The following SH3RF3 variants were observed in gnomAD, a reference collection of about 807,000 sequenced individuals.
The protein encoded by SH3RF3 is E3 ubiquitin-protein ligase SH3RF3.
A neutral mutation model predicts 66.3 loss-of-function variants in SH3RF3; 29 were observed. The observed-to-expected ratio is 0.44, with a 90% CI of 0.33 to 0.60. SH3RF3 has a LOEUF of 0.60. SH3RF3 is among the 20% of genes least tolerant of loss of function. SH3RF3 has a pLI of 0.04. For missense variants in SH3RF3, 1,194 were observed against 1,190.9 expected (o/e 1.00, Z -0.04); for synonymous variants, 583 against 532.0 (o/e 1.10, Z -1.32).
chr2:109,416,661 G>A (rs1676731898), intron 4 of SH3RF3, among the ~76,000 whole-genome samples: 1 of 151,846 alleles, frequency 6.6e-6, no homozygotes, highest in Non-Finnish European at 1.5e-5. Flanking sequence ...GGGATTACAG[G>A]TGTGAGCCAC....
intron 1 of SH3RF3, among the ~76,000 whole-genome samples, chr2:109,275,182 A>G (rs1402218557): frequency 6.6e-6 from 1 of 152,192 alleles, no homozygotes; most frequent in Admixed American, 6.5e-5. Context: ...CACAATCATC[A>G]TGAAATGTGG....
chr2:109,248,309 T>C (rs1182851099), intron 1 of SH3RF3, among the ~76,000 whole-genome samples: 1 of 152,218 alleles, frequency 6.6e-6, no homozygotes, highest in African/African-American at 2.4e-5. Flanking sequence ...GTTTTAAAAA[T>C]CTTCCCCACC....
At chr2:109,309,397 A>G (rs2105422151) in intron 1 of SH3RF3, among the ~76,000 whole-genome samples, 1 of 144,712 alleles carries the variant, frequency 6.9e-6, no homozygotes, top group East Asian at 2.0e-4. Context: ...CTGCAAAATC[A>G]TGCCAAAATG....
In SH3RF3 at chr2:109,437,023, G is replaced by A. The variant is rs530586447; in HGVS notation, c.1705G>A (p.Ala569Thr). The A allele has an allele frequency of 6.2e-6, 10 of 1,613,838 alleles. No individual in the cohort carries two copies. In the African/African-American group the frequency reaches 6.7e-5, roughly 11 times the overall value. Residue 569 changes from alanine to threonine, a missense_variant, in exon 7 of 10, where the codon GCC becomes ACC. Ala to Thr is a moderately conservative substitution (Grantham distance 58). Transcript: ENST00000309415. The part of the protein sequence containing the change: ...LSSLATATRP[A>T]LPITTPQAHA... ...CAGCCTGGCCACTGCCACCAGGCCCGCCCTGCCCATCACCACTCCCCAGGC... is the reference window on the plus strand; with the variant it reads ...CAGCCTGGCCACTGCCACCAGGCCCACCCTGCCCATCACCACTCCCCAGGC...
At chr2:109,499,132 G>C (rs1428206993) in intron 9 of SH3RF3, among the ~76,000 whole-genome samples, 1 of 152,160 alleles carries the variant, frequency 6.6e-6, no homozygotes, top group African/African-American at 2.4e-5. Context: ...AGAGTGGGCA[G>C]CCGCCAGGAC....
At chr2:109,322,425 C>T (rs866730730) in intron 1 of SH3RF3, among the ~76,000 whole-genome samples, 5 of 152,110 alleles carry the variant, frequency 3.3e-5, no homozygotes, top group East Asian at 1.9e-4. Flanking sequence ...AACTAGGAGG[C>T]GGGTGAGTTG....
At chr2:109,280,229 G>A (rs1191382745) in intron 1 of SH3RF3, among the ~76,000 whole-genome samples, 1 of 152,216 alleles carries the variant, frequency 6.6e-6, no homozygotes. Context: ...ACACCTGGCT[G>A]TGGAGAAGCA....
chr2:109,270,911 A>G (rs1391504192), intron 1 of SH3RF3, among the ~76,000 whole-genome samples: 1 of 152,232 alleles, frequency 6.6e-6, no homozygotes, highest in Non-Finnish European at 1.5e-5. Context: ...ACACAGCATC[A>G]GGAGGGAGAC....
At chr2:109,320,616 C>T (rs1353575709) in intron 1 of SH3RF3, among the ~76,000 whole-genome samples, 1 of 152,202 alleles carries the variant, frequency 6.6e-6, no homozygotes, top group Non-Finnish European at 1.5e-5. Context: ...ACTAGGTCAC[C>T]AAAATCAGTG....
chr2:109,338,540 CA>C (rs1029324059), intron 1 of SH3RF3, among the ~76,000 whole-genome samples: 3 of 152,046 alleles, frequency 2.0e-5, no homozygotes, highest in Admixed American at 1.3e-4. Context: ...CCGGCACAGT[CA>C]AAAACCTGTG....
intron 1 of SH3RF3, among the ~76,000 whole-genome samples, chr2:109,261,827 A>G (rs913320489): frequency 8.6e-5 from 13 of 151,758 alleles, no homozygotes; most frequent in African/African-American, 2.9e-4. Context: ...CCACCCCTTC[A>G]CTTATAGTAG....
intron 1 of SH3RF3, among the ~76,000 whole-genome samples, chr2:109,290,360 T>C (rs1681135115): frequency 1.3e-5 from 2 of 152,232 alleles, no homozygotes; most frequent in Admixed American, 6.5e-5. Flanking sequence ...TAAGAGAAAT[T>C]AGTGTGATCA....
chr2:109,491,087 G>A, intron 9 of SH3RF3, 151 bp downstream of exon 9: 1 of 361,420 alleles, frequency 2.8e-6, no homozygotes, highest in Non-Finnish European at 3.9e-6. Context: ...TCCCGAGCTT[G>A]GGTGGTGAGT....
intron 1 of SH3RF3, among the ~76,000 whole-genome samples, chr2:109,270,656 C>T (rs912786027): frequency 4.6e-5 from 7 of 152,332 alleles, no homozygotes; most frequent in Admixed American, 3.3e-4. Context: ...AGAGGTATGA[C>T]ATAGGTGTCT....
At chr2:109,210,712 C>T (rs187157201) in intron 1 of SH3RF3, among the ~76,000 whole-genome samples, 79 of 152,224 alleles carry the variant, frequency 5.2e-4, no homozygotes, top group Non-Finnish European at 9.3e-4. Context: ...GTTTTCCTCC[C>T]GGGGTTCTCT....
intron 1 of SH3RF3, among the ~76,000 whole-genome samples, chr2:109,276,599 C>T (rs1453604689): frequency 6.6e-6 from 1 of 152,198 alleles, no homozygotes; most frequent in African/African-American, 2.4e-5. Context: ...AACTAAATGG[C>T]ATGCTTATTA....
At chr2:109,180,422 G>C (rs1453528212) in intron 1 of SH3RF3, among the ~76,000 whole-genome samples, 1 of 152,212 alleles carries the variant, frequency 6.6e-6, no homozygotes, top group African/African-American at 2.4e-5. Context: ...GCTAGCCAAT[G>C]AACTGGCTCC....
intron 1 of SH3RF3, among the ~76,000 whole-genome samples, chr2:109,277,804 C>T (rs1337338942): frequency 1.3e-5 from 2 of 152,174 alleles, no homozygotes. Context: ...TTATACCTGG[C>T]AGTCTTACCT....
chr2:109,426,128 C>CT (rs1421517904), intron 5 of SH3RF3, among the ~76,000 whole-genome samples: 1 of 152,174 alleles, frequency 6.6e-6, no homozygotes, highest in African/African-American at 2.4e-5. Flanking sequence ...AGGCTGGTGT[C>CT]TAACTCCTGA....
Sources: gnomAD v4.1 joint callset for allele counts (sites outside exome capture counted in the v4.1 genomes callset) on GRCh38, gnomAD v4.1.1 for gene constraint, MANE v1.5 for transcripts, NCBI Gene and HGNC (gene_info 2026-07-23, HGNC 2026-07-21) for gene names.